GAD2: variants seen among roughly 807,000 people sequenced by gnomAD.
GAD2 encodes glutamate decarboxylase 2, also known as 65 kDa glutamic acid decarboxylase.
A neutral mutation model predicts 80.1 loss-of-function variants in GAD2; 22 were observed. That is an observed-to-expected ratio of 0.27 (90% CI 0.20 to 0.39). The LOEUF is 0.39. GAD2 is among the 10% of genes least tolerant of loss of function. The pLI is 1.00. For synonymous variants in GAD2, 274 were observed against 256.9 expected (o/e 1.07, Z -0.64); for missense variants, 624 against 738.4 (o/e 0.85, Z 1.80).
intron 8 of GAD2, among the ~76,000 whole-genome samples, chr10:26,247,699 C>T (rs1454315540): frequency 1.3e-5 from 2 of 151,810 alleles, no homozygotes; most frequent in African/African-American, 2.4e-5. Context: ...AGTTCAAGAC[C>T]AGCCTGGCCA....
At chr10:26,220,916 A>G (rs1844445324) in intron 4 of GAD2, among the ~76,000 whole-genome samples, 1 of 152,224 alleles carries the variant, frequency 6.6e-6, no homozygotes, top group African/African-American at 2.4e-5. Context: ...TTCAATACTT[A>G]CATTTTGCCA....
At chr10:26,250,255 A>G (rs1272731463) in intron 8 of GAD2, among the ~76,000 whole-genome samples, 2 of 152,152 alleles carry the variant, frequency 1.3e-5, no homozygotes, top group East Asian at 1.9e-4. Flanking sequence ...GCCTCAAACA[A>G]TCCTCTCATC....
intron 11 of GAD2, among the ~76,000 whole-genome samples, chr10:26,277,172 G>A (rs1845218924): frequency 6.6e-6 from 1 of 152,210 alleles, no homozygotes; most frequent in African/African-American, 2.4e-5. Flanking sequence ...GGCAGAAATG[G>A]AAAAGGGCAT....
rs1564671708 is a variant in GAD2 at position 26,286,429 on chromosome 10, G to A, written c.1321G>A (p.Asp441Asn). The A allele has an allele frequency of 6.2e-7, 1 of 1,613,894 alleles. No homozygotes were observed. Among genetic ancestry groups the A allele is most frequent in the Non-Finnish European group, 8.5e-7 (1 of 1,179,950 alleles). ...TTATGACCTGTCCTATGACACTGGA[G>A]ACAAGGCCTTACAGTGCGGACGCCA... is the stretch of plus-strand genomic sequence containing the variant. ...KHYDLSYDTGDKALQCGRHVD... is the reference protein window; with the variant it reads ...KHYDLSYDTGNKALQCGRHVD... Residue 441 changes from aspartate (D) to asparagine (N), a missense_variant, in exon 13 of 16, where the codon GAC becomes AAC. By Grantham distance (23) the Asp-to-Asn change is conservative (BLOSUM62 1). Coordinates refer to ENST00000376261, the MANE Select transcript of GAD2 (RefSeq NM_001134366.2).
intron 4 of GAD2, among the ~76,000 whole-genome samples, chr10:26,222,782 A>G (rs1844469291): frequency 6.6e-6 from 1 of 152,218 alleles, no homozygotes; most frequent in East Asian, 1.9e-4. Context: ...TAAGCTAGCC[A>G]TTGACTTTTG....
chr10:26,270,788 C>A, intron 10 of GAD2, 32 bp downstream of exon 10: 2 of 1,328,228 alleles, frequency 1.5e-6, no homozygotes, highest in Non-Finnish European at 2.2e-6. Flanking sequence ...GCCACTAAAA[C>A]GTCCTTGCAC....
intron 8 of GAD2, among the ~76,000 whole-genome samples, chr10:26,264,887 T>C (rs763712840): frequency 6.6e-6 from 1 of 152,232 alleles, no homozygotes; most frequent in Non-Finnish European, 1.5e-5. Context: ...GAAAGGCTGA[T>C]AGTATCTCTA....
intron 8 of GAD2, among the ~76,000 whole-genome samples, chr10:26,267,315 C>T (rs1845084180): frequency 6.6e-6 from 1 of 152,208 alleles, no homozygotes; most frequent in Non-Finnish European, 1.5e-5. Context: ...AAAGATAATA[C>T]CCACACTTTC....
At chr10:26,297,210 A>G (rs1834284440) in intron 15 of GAD2, among the ~76,000 whole-genome samples, 1 of 152,198 alleles carries the variant, frequency 6.6e-6, no homozygotes, top group Non-Finnish European at 1.5e-5. Context: ...TACAGGCATG[A>G]GCCACCAAGC....
At chr10:26,288,125 G>C (rs1480029468) in intron 13 of GAD2, among the ~76,000 whole-genome samples, 1 of 152,194 alleles carries the variant, frequency 6.6e-6, no homozygotes, top group African/African-American at 2.4e-5. Context: ...GAGTTTTCGA[G>C]TGAAGCAATG....
At chr10:26,294,173 T>C (rs919829904) in intron 15 of GAD2, among the ~76,000 whole-genome samples, 3 of 152,208 alleles carry the variant, frequency 2.0e-5, no homozygotes, top group African/African-American at 7.2e-5. Flanking sequence ...TTTTCATTTA[T>C]CATAAAAGAG....
intron 15 of GAD2, among the ~76,000 whole-genome samples, chr10:26,298,299 G>A (rs1174414893): frequency 6.6e-6 from 1 of 152,214 alleles, no homozygotes; most frequent in Non-Finnish European, 1.5e-5. Context: ...CATCAGAATA[G>A]TCCGAATCTT....
At chr10:26,261,807 C>A (rs1373515427) in intron 8 of GAD2, among the ~76,000 whole-genome samples, 1 of 152,082 alleles carries the variant, frequency 6.6e-6, no homozygotes, top group East Asian at 1.9e-4. Flanking sequence ...ACTTCCTTCT[C>A]TTCTGGAATG....
intron 13 of GAD2, among the ~76,000 whole-genome samples, chr10:26,289,428 T>C (rs1834189085): frequency 6.6e-6 from 1 of 152,214 alleles, no homozygotes; most frequent in Admixed American, 6.5e-5. Flanking sequence ...ATAGCCTAAG[T>C]ATAAATTATT....
In GAD2 at chr10:26,302,999, C is replaced by T. The variant is rs1160114038; in HGVS notation, c.*2038C>T. ...ATAGCTGCCCGACTATCCGGAGCCT[C>T]AGGCCCAAAGGTTCCACTTCAGAGA... On this transcript the variant is annotated 3_prime_UTR_variant, in exon 16 of 16. Transcript: ENST00000376261. 6.6e-6 allele frequency: 1 copy of T among 152,230 alleles called. No homozygotes were observed. Among genetic ancestry groups the T allele is most frequent in the East Asian group, 1.9e-4 (1 of 5,188 alleles). 9.4% of individuals were successfully genotyped at this position (152,230 alleles called of 1,614,324 possible).
At chr10:26,263,383 G>A (rs552297683) in intron 8 of GAD2, among the ~76,000 whole-genome samples, 1 of 152,296 alleles carries the variant, frequency 6.6e-6, no homozygotes, top group South Asian at 2.1e-4. Context: ...GCCTGGTTTT[G>A]TAATACAAGT....
At chr10:26,300,448 G>A (rs751004224) in intron 15 of GAD2, among the ~76,000 whole-genome samples, 4 of 152,014 alleles carry the variant, frequency 2.6e-5, no homozygotes, top group Non-Finnish European at 4.4e-5. Context: ...TTTACTGTGG[G>A]GGGAAAATGC....
At position 26,282,134 on chromosome 10, in the gene GAD2, G is replaced by T. The variant is rs1477026543; in HGVS notation, c.1236+1047G>T. On this transcript the variant is annotated intron_variant, in intron 12 of 15. Transcript: ENST00000376261. ...ATTTTTGTGGTTTTAGTAGAGACAG[G>T]GTTTTCACATGTTGGCCAGGCTGGT... Among the ~76,000 whole-genome samples, 5 of 121,892 alleles carry T rather than the reference G, an allele frequency of 4.1e-5. No homozygotes were observed. The East Asian group carries it at 1.1e-3, about 27-fold the overall frequency. 80.0% of individuals were successfully genotyped at this position (121,892 alleles called of 152,430 possible).
intron 8 of GAD2, 49 bp from the exon 9 acceptor site, chr10:26,269,070 C>T (rs780625268): frequency 6.9e-6 from 10 of 1,457,336 alleles, no homozygotes; most frequent in Admixed American, 3.8e-5. Flanking sequence ...GTTGTAAAGA[C>T]GATGAAGCAA....
Sources: gnomAD v4.1 joint callset for allele counts (sites outside exome capture counted in the v4.1 genomes callset) on GRCh38, gnomAD v4.1.1 for gene constraint, MANE v1.5 for transcripts, NCBI Gene and HGNC (gene_info 2026-07-23, HGNC 2026-07-21) for gene names.